The following UBASH3B variants were observed in gnomAD, a reference collection of about 807,000 sequenced individuals.
UBASH3B encodes ubiquitin associated and SH3 domain containing B, also known as ubiquitin-associated and SH3 domain-containing protein B.
In UBASH3B, 37 loss-of-function variants were observed where a neutral mutation model predicts 83.4. The ratio of observed to expected loss-of-function variants is 0.44; its 90% CI spans 0.34 to 0.58. The LOEUF is 0.58. Among genes scored for constraint, UBASH3B ranks in the 20% least tolerant of loss-of-function variants. UBASH3B has a pLI of 0.01. For missense variants in UBASH3B, 657 were observed against 827.2 expected (o/e 0.79, Z 2.52); for synonymous variants, 304 against 318.3 (o/e 0.96, Z 0.48).
intron 1 of UBASH3B, among the ~76,000 whole-genome samples, chr11:122,699,569 CTTTCT>C (rs1227589004): frequency 1.5e-5 from 2 of 129,144 alleles, no homozygotes; most frequent in South Asian, 2.5e-4. Flanking sequence ...TTCTTTCTTT[CTTTCT>C]TTTCTTTCTT....
At chr11:122,750,324 T>G (rs1861180796) in intron 1 of UBASH3B, among the ~76,000 whole-genome samples, 1 of 152,098 alleles carries the variant, frequency 6.6e-6, no homozygotes, top group Admixed American at 6.6e-5. Context: ...GAGGGACAAG[T>G]TTAAAGAACA....
chr11:122,800,477 C>T (rs1189086096), intron 10 of UBASH3B, among the ~76,000 whole-genome samples: 1 of 151,282 alleles, frequency 6.6e-6, no homozygotes, highest in Non-Finnish European at 1.5e-5. Context: ...TTGCTTGAAC[C>T]CAGGAGGCGG....
At chr11:122,731,216 C>T (rs1462529701) in intron 1 of UBASH3B, among the ~76,000 whole-genome samples, 1 of 152,228 alleles carries the variant, frequency 6.6e-6, no homozygotes, top group Non-Finnish European at 1.5e-5. Flanking sequence ...ATGGCTATAA[C>T]TTTTGCAGTT....
At chr11:122,731,704 T>C (rs900420390) in intron 1 of UBASH3B, among the ~76,000 whole-genome samples, 4 of 152,178 alleles carry the variant, frequency 2.6e-5, no homozygotes, top group African/African-American at 9.7e-5. Flanking sequence ...TGGAAACTTG[T>C]GAGTTGTTTA....
chr11:122,802,351 A>G (rs1385611977), intron 11 of UBASH3B, among the ~76,000 whole-genome samples: 1 of 151,314 alleles, frequency 6.6e-6, no homozygotes, highest in Non-Finnish European at 1.5e-5. Flanking sequence ...TAATAATAAT[A>G]TAGTTACCTT....
Position 122,710,025 on chromosome 11 carries a change from G to A in UBASH3B, c.161+53815G>A, listed in dbSNP as rs922056768. 4.4e-4 allele frequency among the ~76,000 whole-genome samples: 66 copies of A among 151,576 alleles called. 1 individual carries two copies. The highest frequency in any genetic ancestry group is 8.8e-5 in the Non-Finnish European group (6 of 67,908). ...ACAAAAATTAGCCAGGCATGGTGGC[G>A]GGCACCTATAATCCTAGCTACTTGG... On this transcript the variant is annotated intron_variant, in intron 1 of 13. Transcript: ENST00000284273.
Position 122,662,296 on chromosome 11 carries a change from A to G in UBASH3B, c.161+6086A>G, listed in dbSNP as rs570299022. ...ATTTAAAGATTGATACATTTTGACA[A>G]CTGTACCTGTGTGATTACCTGCTAC... On this transcript the variant is annotated intron_variant, in intron 1 of 13. Coordinates refer to ENST00000284273, the MANE Select transcript of UBASH3B (RefSeq NM_032873.5). 3.3e-5 allele frequency among the ~76,000 whole-genome samples: 5 copies of G among 152,056 alleles called. No homozygotes were observed. In the South Asian group the frequency reaches 1.0e-3, roughly 32 times the overall value.
chr11:122,708,616 CTATT>C (rs1278125628), intron 1 of UBASH3B, among the ~76,000 whole-genome samples: 33 of 152,174 alleles, frequency 2.2e-4, no homozygotes, highest in African/African-American at 7.0e-4. Context: ...TTTTGGTAAC[CTATT>C]TATTCATTCA....
chr11:122,690,234 TTTTATATATATATATATCCAATTA>T (rs1194233068), intron 1 of UBASH3B, among the ~76,000 whole-genome samples: 20 of 73,036 alleles, frequency 2.7e-4, no homozygotes, highest in African/African-American at 9.4e-4. Context: ...ATATATCCAA[TTTTATATATATATATATCCAATTA>T]TATATATATA....
chr11:122,686,155 TA>T (rs1456087018), intron 1 of UBASH3B, among the ~76,000 whole-genome samples: 1 of 152,180 alleles, frequency 6.6e-6, no homozygotes, highest in Non-Finnish European at 1.5e-5. Context: ...ACTATGGCCT[TA>T]AGTGGTTTGG....
intron 1 of UBASH3B, among the ~76,000 whole-genome samples, chr11:122,688,641 T>TTTTAC (rs1863841251): frequency 7.1e-6 from 1 of 141,364 alleles, no homozygotes; most frequent in Non-Finnish European, 1.5e-5. Context: ...TTTTATTTTA[T>TTTTAC]TTTATTTTAT....
Position 122,812,056 on chromosome 11 carries a change from G to C in UBASH3B, c.*2170G>C, listed in dbSNP as rs562656493. The C allele has an allele frequency of 6.6e-6, 1 of 152,224 alleles. No homozygotes were observed. The highest frequency in any genetic ancestry group is 1.5e-5 in the Non-Finnish European group (1 of 68,052). 9.4% of individuals were successfully genotyped at this position (152,224 alleles called of 1,614,324 possible). On this transcript the variant is annotated 3_prime_UTR_variant, in exon 14 of 14. Coordinates refer to ENST00000284273, the MANE Select transcript of UBASH3B (RefSeq NM_032873.5). ...AATAGGTTATCCACTCCATCTTCTA[G>C]GTTATCTTAGTTGTATGACGAACTG...
chr11:122,657,755 A>G (rs1184910089), intron 1 of UBASH3B, among the ~76,000 whole-genome samples: 1 of 152,184 alleles, frequency 6.6e-6, no homozygotes, highest in African/African-American at 2.4e-5. Flanking sequence ...TGACGTCCCA[A>G]TACGACTTCC....
intron 1 of UBASH3B, among the ~76,000 whole-genome samples, chr11:122,666,096 G>C (rs1223487710): frequency 6.6e-6 from 1 of 152,224 alleles, no homozygotes; most frequent in African/African-American, 2.4e-5. Context: ...AAATGCCAGG[G>C]GGAAGCCGAC....
intron 1 of UBASH3B, among the ~76,000 whole-genome samples, chr11:122,735,356 C>A (rs1860915077): frequency 6.6e-6 from 1 of 152,150 alleles, no homozygotes; most frequent in African/African-American, 2.4e-5. Flanking sequence ...ATAACTCTTT[C>A]CTAACCAGAA....
At chr11:122,775,871 G>T (rs1207858932) in intron 1 of UBASH3B, 1 of 226,414 alleles carries the variant, frequency 4.4e-6, no homozygotes, top group Non-Finnish European at 8.5e-6. Flanking sequence ...AGGGATCTGG[G>T]TCACTAAGAA....
intron 1 of UBASH3B, 35 bp downstream of exon 1, chr11:122,656,245 T>C: frequency 2.2e-6 from 3 of 1,348,560 alleles, no homozygotes; most frequent in East Asian, 3.2e-5. Flanking sequence ...CGGCGACCCC[T>C]CCCGCGCGCG....
chr11:122,744,403 G>A (rs542387393), intron 1 of UBASH3B, among the ~76,000 whole-genome samples: 8 of 152,236 alleles, frequency 5.3e-5, no homozygotes, highest in African/African-American at 1.9e-4. Context: ...ACATGGACAC[G>A]TGTTGTGTGC....
chr11:122,794,840 G>C lies in UBASH3B; in HGVS notation c.1113+6G>C, dbSNP rs755065060. On this transcript the variant is annotated splice_donor_region_variant and intron_variant, in intron 7 of 13. Transcript: ENST00000284273. ...TCATCTGCCAGCCCATGCAGGTAAG[G>C]CTGATTGCTAGGGTCACACCCCCAA... The C allele has an allele frequency of 5.6e-6, 9 of 1,613,488 alleles. No homozygotes were observed. Among genetic ancestry groups the C allele is most frequent in the Non-Finnish European group, 6.8e-6 (8 of 1,179,944 alleles).
Sources: allele counts gnomAD v4.1 joint callset (sites outside exome capture counted in the v4.1 genomes callset), GRCh38; gene constraint gnomAD v4.1.1; transcripts MANE v1.5; gene names NCBI Gene and HGNC (gene_info 2026-07-23, HGNC 2026-07-21).